The following ZNF385D variants were observed in gnomAD, a reference collection of about 807,000 sequenced individuals.
ZNF385D encodes zinc finger protein 385D.
ZNF385D carries 15 observed loss-of-function variants against 35.8 expected under a neutral mutation model. The observed-to-expected ratio is 0.42, with a 90% CI of 0.28 to 0.64. ZNF385D has a LOEUF of 0.64. Ranked by LOEUF, ZNF385D falls within the 30% of genes least tolerant of loss-of-function variation. ZNF385D has a pLI of 0.23. For missense variants in ZNF385D, 474 were observed against 494.6 expected, an observed-to-expected ratio of 0.96 and a Z score of 0.39; for synonymous variants, 212 against 186.8, an observed-to-expected ratio of 1.13 and a Z score of -1.10.
At chr3:21,957,610 G>T (rs1416796953) in intron 3 of ZNF385D, among the ~76,000 whole-genome samples, 1 of 152,062 alleles carries the variant, frequency 6.6e-6, no homozygotes, top group Non-Finnish European at 1.5e-5. Flanking sequence ...ATAAGGTATT[G>T]CTTGAACTGG....
At position 21,818,789 on chromosome 3, in the gene ZNF385D, T is replaced by A. The variant is rs575313516; in HGVS notation, c.326-153761A>T. On this transcript the variant is annotated intron_variant, in intron 3 of 5. Transcript: ENST00000494108. ...TATCCAAATATATTTTTGTATTTTTTAATATATTTTAAATTTTCCTATATT... is the reference window on the plus strand; with the variant it reads ...TATCCAAATATATTTTTGTATTTTTAAATATATTTTAAATTTTCCTATATT... 1.2e-4 allele frequency among the ~76,000 whole-genome samples: 19 copies of A among 152,080 alleles called. No homozygotes were observed. The East Asian group carries it at 3.3e-3, about 26-fold the overall frequency.
intron 4 of ZNF385D, among the ~76,000 whole-genome samples, chr3:21,446,129 T>G (rs78265810): frequency 6.6e-6 from 1 of 152,170 alleles, no homozygotes; most frequent in East Asian, 1.9e-4. Flanking sequence ...GTCTGAATAT[T>G]TGCATTTCTA....
At chr3:21,705,353 T>C (rs1365787649) in intron 1 of ZNF385D, among the ~76,000 whole-genome samples, 2 of 152,178 alleles carry the variant, frequency 1.3e-5, no homozygotes, top group Admixed American at 1.3e-4. Context: ...TGGTACAGAT[T>C]AAGAAAGGGC....
At chr3:21,484,014 G>C (rs1366915149) in intron 4 of ZNF385D, among the ~76,000 whole-genome samples, 2 of 152,110 alleles carry the variant, frequency 1.3e-5, no homozygotes, top group Admixed American at 6.6e-5. Context: ...TTGGACAGGG[G>C]AAATTTAATG....
chr3:21,466,251 C>T (rs988346608), intron 4 of ZNF385D, among the ~76,000 whole-genome samples: 4 of 152,076 alleles, frequency 2.6e-5, no homozygotes, highest in African/African-American at 9.7e-5. Context: ...TTATAAGGTC[C>T]TTAAGGGTTT....
intron 3 of ZNF385D, among the ~76,000 whole-genome samples, chr3:21,923,038 C>CG (rs1700550319): frequency 9.8e-6 from 1 of 102,534 alleles, no homozygotes; most frequent in Non-Finnish European, 2.6e-5. Flanking sequence ...AAATGCTTCA[C>CG]ATTTTTTTAT....
intron 3 of ZNF385D, chr3:22,133,976 A>G (rs905641716): frequency 1.3e-5 from 2 of 152,136 alleles, no homozygotes; most frequent in African/African-American, 4.8e-5. Flanking sequence ...AAGAAACTGC[A>G]TAGAATGTTC....
chr3:21,977,276 C>G (rs1328863610), intron 3 of ZNF385D, among the ~76,000 whole-genome samples: 3 of 152,024 alleles, frequency 2.0e-5, no homozygotes, highest in South Asian at 2.1e-4. Flanking sequence ...GAACTGTACA[C>G]TTATGATTTG....
At chr3:21,911,697 A>T (rs1340849818) in intron 3 of ZNF385D, among the ~76,000 whole-genome samples, 1 of 151,956 alleles carries the variant, frequency 6.6e-6, no homozygotes, top group African/African-American at 2.4e-5. Flanking sequence ...GCCATTAAAT[A>T]ATTTCCTCAT....
At chr3:21,574,962 A>G (rs1251952312) in intron 2 of ZNF385D, among the ~76,000 whole-genome samples, 1 of 151,776 alleles carries the variant, frequency 6.6e-6, no homozygotes, top group African/African-American at 2.4e-5. Flanking sequence ...AAGTGGCTAA[A>G]GAGGACTATA....
chr3:22,273,275 T>A (rs572008689), intron 2 of ZNF385D, among the ~76,000 whole-genome samples: 7 of 152,084 alleles, frequency 4.6e-5, no homozygotes, highest in African/African-American at 1.4e-4. Flanking sequence ...CTAATACACA[T>A]ACACACACAT....
intron 3 of ZNF385D, among the ~76,000 whole-genome samples, chr3:21,993,275 T>C (rs1476672878): frequency 2.0e-5 from 3 of 152,140 alleles, no homozygotes; most frequent in Admixed American, 6.5e-5. Context: ...CAAGCCCAAG[T>C]TTAATTGTAA....
intron 3 of ZNF385D, among the ~76,000 whole-genome samples, chr3:21,825,760 A>G (rs1694567108): frequency 6.6e-6 from 1 of 152,176 alleles, no homozygotes; most frequent in Non-Finnish European, 1.5e-5. Context: ...TTTTTCCCAC[A>G]AACGCTAGCC....
At chr3:21,917,034 G>A (rs1700222642) in intron 3 of ZNF385D, among the ~76,000 whole-genome samples, 3 of 152,078 alleles carry the variant, frequency 2.0e-5, no homozygotes, top group South Asian at 4.1e-4. Context: ...TGTCTATTTT[G>A]CTAATTAGTT....
chr3:21,791,990 C>T (rs1199425901), intron 3 of ZNF385D, among the ~76,000 whole-genome samples: 2 of 152,176 alleles, frequency 1.3e-5, no homozygotes, highest in Non-Finnish European at 2.9e-5. Flanking sequence ...ACCTCAGCCT[C>T]CCAAAGTGCT....
At chr3:21,849,952 C>G (rs954891362) in intron 3 of ZNF385D, among the ~76,000 whole-genome samples, 1 of 151,956 alleles carries the variant, frequency 6.6e-6, no homozygotes, top group African/African-American at 2.4e-5. Flanking sequence ...CTATGTTGCC[C>G]ATGCTAGTCT....
intron 2 of ZNF385D, among the ~76,000 whole-genome samples, chr3:22,201,283 T>A (rs1238287503): frequency 6.6e-6 from 1 of 152,120 alleles, no homozygotes; most frequent in Non-Finnish European, 1.5e-5. Flanking sequence ...GTCCCTGACA[T>A]CCCGCAACAC....
At chr3:21,915,131 G>A (rs2125917878) in intron 3 of ZNF385D, among the ~76,000 whole-genome samples, 1 of 151,754 alleles carries the variant, frequency 6.6e-6, no homozygotes, top group Admixed American at 6.6e-5. Flanking sequence ...CAATTCACAT[G>A]GCATGTTTTC....
At chr3:21,557,563 C>A (rs535072784) in intron 3 of ZNF385D, among the ~76,000 whole-genome samples, 7 of 151,978 alleles carry the variant, frequency 4.6e-5, no homozygotes, top group African/African-American at 9.7e-5. Flanking sequence ...GGATTAGTTT[C>A]GCCAGTATTT....
Sources: allele counts gnomAD v4.1 joint callset (sites outside exome capture counted in the v4.1 genomes callset), GRCh38; gene constraint gnomAD v4.1.1; transcripts MANE v1.5; gene names NCBI Gene and HGNC (gene_info 2026-07-23, HGNC 2026-07-21).